LEPR: variants seen among roughly 807,000 people sequenced by gnomAD.
LEPR encodes OB receptor.
In LEPR, 56 loss-of-function variants were observed where a neutral mutation model predicts 114.7. The observed-to-expected ratio is 0.49, with a 90% CI of 0.39 to 0.61. The LOEUF (loss-of-function observed/expected upper bound fraction) is 0.61, where lower values mean the gene tolerates loss of function less well. LEPR is among the 20% of genes least tolerant of loss of function. The pLI, the probability that LEPR is intolerant of heterozygous loss-of-function variation, is 0.00. For missense variants in LEPR, 1,202 were observed against 1,352.9 expected, an observed-to-expected ratio of 0.89 and a Z score of 1.75; for synonymous variants, 443 against 461.4, an observed-to-expected ratio of 0.96 and a Z score of 0.51.
At chr1:65,518,838 T>G (rs1649417775) in intron 2 of LEPR, among the ~76,000 whole-genome samples, 1 of 149,884 alleles carries the variant, frequency 6.7e-6, no homozygotes, top group Non-Finnish European at 1.5e-5. Context: ...CCAGCTTTTT[T>G]CTTTTTTCTT....
intron 15 of LEPR, among the ~76,000 whole-genome samples, chr1:65,616,976 A>G (rs921050174): frequency 1.3e-5 from 2 of 151,990 alleles, no homozygotes; most frequent in Non-Finnish European, 2.9e-5. Context: ...TTCTTATTTT[A>G]TGTCCTGTTT....
At chr1:65,452,268 A>G (rs1298305493) in intron 2 of LEPR, among the ~76,000 whole-genome samples, 8 of 151,824 alleles carry the variant, frequency 5.3e-5, no homozygotes, top group Non-Finnish European at 1.2e-4. Flanking sequence ...AATACCCTTT[A>G]TTTCCTTCTC....
intron 2 of LEPR, among the ~76,000 whole-genome samples, chr1:65,463,657 A>G (rs773801435): frequency 2.6e-5 from 4 of 152,220 alleles, no homozygotes; most frequent in Non-Finnish European, 5.9e-5. Flanking sequence ...TTCCATGAAC[A>G]TGGAATGTTC....
At chr1:65,449,347 G>A (rs1646752350) in intron 2 of LEPR, among the ~76,000 whole-genome samples, 1 of 150,162 alleles carries the variant, frequency 6.7e-6, no homozygotes, top group South Asian at 2.1e-4. Context: ...CTCAGGCAGT[G>A]AACTCCTCCT....
At chr1:65,539,687 C>T in intron 2 of LEPR, among the ~76,000 whole-genome samples, 1 of 152,128 alleles carries the variant, frequency 6.6e-6, no homozygotes, top group East Asian at 1.9e-4. Flanking sequence ...CTTAATAAGC[C>T]CCTGTTTTCC....
intron 4 of LEPR, among the ~76,000 whole-genome samples, chr1:65,571,177 G>C (rs1309081853): frequency 6.6e-6 from 1 of 152,034 alleles, no homozygotes; most frequent in East Asian, 1.9e-4. Context: ...GAATATCTCT[G>C]AAAGAATATA....
At chr1:65,435,786 G>T (rs2100254248) in intron 2 of LEPR, 1 of 976,776 alleles carries the variant, frequency 1.0e-6, no homozygotes, top group East Asian at 1.1e-4. Flanking sequence ...GAAATATTAT[G>T]TCTGTAGTAG....
At chr1:65,587,623 A>T (rs964712809) in intron 5 of LEPR, among the ~76,000 whole-genome samples, 1 of 152,090 alleles carries the variant, frequency 6.6e-6, no homozygotes, top group African/African-American at 2.4e-5. Context: ...AAACAGAAGT[A>T]CTTGATTTTA....
At chr1:65,445,788 A>G (rs1268801830) in intron 2 of LEPR, among the ~76,000 whole-genome samples, 1 of 151,362 alleles carries the variant, frequency 6.6e-6, no homozygotes, top group East Asian at 1.9e-4. Flanking sequence ...CTAATATAGA[A>G]GACTTAATCA....
intron 5 of LEPR, among the ~76,000 whole-genome samples, chr1:65,574,057 G>A (rs1654401200): frequency 1.3e-5 from 2 of 152,154 alleles, no homozygotes; most frequent in African/African-American, 2.4e-5. Flanking sequence ...AGTGGTTACC[G>A]ATATGTATTT....
At chr1:65,581,503 G>A (rs905494444) in intron 5 of LEPR, among the ~76,000 whole-genome samples, 1 of 149,366 alleles carries the variant, frequency 6.7e-6, no homozygotes, top group African/African-American at 2.5e-5. Flanking sequence ...CTCTATATTA[G>A]CACTATTTCT....
At chr1:65,544,554 T>C (rs1651502490) in intron 2 of LEPR, among the ~76,000 whole-genome samples, 1 of 151,980 alleles carries the variant, frequency 6.6e-6, no homozygotes, top group Non-Finnish European at 1.5e-5. Context: ...CTTTTGCCCA[T>C]TCAGTATGAT....
At chr1:65,519,501 A>T (rs1649521415) in intron 2 of LEPR, among the ~76,000 whole-genome samples, 1 of 151,932 alleles carries the variant, frequency 6.6e-6, no homozygotes. Flanking sequence ...GTTAATAATG[A>T]TTTAGGTATT....
chr1:65,546,740 C>G (rs1254719118), intron 2 of LEPR, among the ~76,000 whole-genome samples: 1 of 152,192 alleles, frequency 6.6e-6, no homozygotes, highest in Non-Finnish European at 1.5e-5. Flanking sequence ...GATATACAAT[C>G]ATGTCATCTG....
intron 2 of LEPR, among the ~76,000 whole-genome samples, chr1:65,514,904 A>C (rs1649209511): frequency 6.6e-6 from 1 of 152,258 alleles, no homozygotes; most frequent in Non-Finnish European, 1.5e-5. Flanking sequence ...AAGACATAAC[A>C]TTTGCCCTCA....
chr1:65,550,408 T>A (rs376042767), intron 2 of LEPR, among the ~76,000 whole-genome samples: 1 of 152,202 alleles, frequency 6.6e-6, no homozygotes, highest in Non-Finnish European at 1.5e-5. Context: ...GTCTGTGCCC[T>A]GCCCCCAGAG....
At position 65,617,969 on chromosome 1, in the gene LEPR, A is replaced by G. The variant is rs1289072617; in HGVS notation, c.2218A>G (p.Ile740Val). The G allele has an allele frequency of 1.7e-5, 27 of 1,608,482 alleles. No individual in the cohort carries two copies. The highest frequency in any genetic ancestry group is 5.6e-5 in the South Asian group (5 of 89,342). Residue 740 changes from isoleucine to valine, a missense_variant, in exon 16 of 20, where the codon ATC (isoleucine) becomes GTC (valine). Physicochemically the swap from Ile to Val is conservative, Grantham distance 29. Coordinates refer to ENST00000349533, the MANE Select transcript of LEPR (RefSeq NM_002303.6). ...TTTCCTTCTTTTCCCCTCAGTAAAT[A>G]TCGTGCAGTCACTCAGTGCTTATCC... is the stretch of plus-strand genomic sequence containing the variant. Reference protein sequence around the residue: ...TFSWPMSKVNIVQSLSAYPLN... With the variant: ...TFSWPMSKVNVVQSLSAYPLN...
intron 16 of LEPR, among the ~76,000 whole-genome samples, chr1:65,619,266 C>T (rs150238251): frequency 4.6e-5 from 7 of 152,052 alleles, no homozygotes; most frequent in Non-Finnish European, 1.0e-4. Context: ...TTCTTTAAAC[C>T]ATGAGGATAT....
intron 3 of LEPR, 110 bp from the exon 4 acceptor site, chr1:65,570,363 G>C: frequency 9.3e-7 from 1 of 1,072,332 alleles, no homozygotes; most frequent in African/African-American, 1.6e-5. Context: ...TGAGGACTTA[G>C]AAAGTTAAAT....
Sources: allele counts gnomAD v4.1 joint callset (sites outside exome capture counted in the v4.1 genomes callset), GRCh38; gene constraint gnomAD v4.1.1; transcripts MANE v1.5; gene names NCBI Gene and HGNC (gene_info 2026-07-23, HGNC 2026-07-21).